The following PEG3 variants were observed in gnomAD, a reference collection of about 807,000 sequenced individuals.
PEG3 encodes the protein paternally expressed 3.
PEG3 carries 23 observed loss-of-function variants against 35.5 expected under a neutral mutation model. The ratio of observed to expected loss-of-function variants is 0.65; its 90% CI spans 0.47 to 0.92. PEG3 has a LOEUF of 0.92. Ranked by LOEUF, PEG3 falls within the 40% of genes least tolerant of loss-of-function variation. PEG3 has a pLI of 0.00. For missense variants in PEG3, 1,960 were observed against 1,985.3 expected, an observed-to-expected ratio of 0.99 and a Z score of 0.24; for synonymous variants, 707 against 697.0, an observed-to-expected ratio of 1.01 and a Z score of -0.23.
intron 7 of PEG3, among the ~76,000 whole-genome samples, chr19:56,819,269 G>C (rs1447599459): frequency 2.0e-5 from 3 of 152,212 alleles, no homozygotes; most frequent in Admixed American, 2.0e-4. Flanking sequence ...CCATGGCATA[G>C]CATGGCTACA....
At chr19:56,839,387 C>T (rs1318903945) in intron 1 of PEG3, among the ~76,000 whole-genome samples, 5 of 151,504 alleles carry the variant, frequency 3.3e-5, no homozygotes, top group Non-Finnish European at 7.4e-5. Context: ...CACAGCAAAC[C>T]TCAGCAGCCC....
rs763981827 is a variant in PEG3 at position 56,813,889 on chromosome 19, G to C, written c.4553C>G (p.Thr1518Arg). ...AGTTTTCAGGTGTTCACTGAATGCT[G>C]TGCTGGAAGTGAAGGTTTCTGTGCA... The part of the protein sequence containing the change: ...HECTETFTSS[T>R]AFSEHLKTHA... The change falls in exon 10 of 10, where the codon ACA (threonine) becomes AGA (arginine). Residue 1518 changes from threonine to arginine, a missense_variant. Physicochemically the swap from Thr to Arg is moderately conservative, Grantham distance 71. Around this residue, in one of 5 missense-constraint regions of PEG3, gnomAD observed 416 missense variants for 416.7 expected, o/e 1.00. Coordinates refer to ENST00000326441, the MANE Select transcript of PEG3 (RefSeq NM_006210.3). 1.2e-6 allele frequency: 2 copies of C among 1,614,072 alleles called. No individual in the cohort carries two copies. Among genetic ancestry groups the C allele is most frequent in the African/African-American group, 1.3e-5 (1 of 74,952 alleles).
At position 56,814,958 on chromosome 19, in the gene PEG3, G is replaced by A. The variant is rs756843191; in HGVS notation, c.3484C>T (p.Leu1162=). The change falls in exon 10 of 10, where the codon CTG becomes TTG. Residue 1162 remains leucine, a synonymous_variant. Transcript: ENST00000326441. This position sits in a 1 kb window ranked among gnomAD's most constrained non-coding sequence, Gnocchi z 5.8. ...TCCCCACACTTTGGACATTCATACA[G>A]CTGCTCTCCAGTGTAATCTCTCTGA... The part of the protein sequence containing the change: ...EYQRDYTGEQ[L]YECPKCGESF... 6 of 1,614,016 alleles carry A rather than the reference G, an allele frequency of 3.7e-6. No homozygotes were observed. Among genetic ancestry groups the A allele is most frequent in the Non-Finnish European group, 5.1e-6 (6 of 1,179,984 alleles).
intron 2 of PEG3, among the ~76,000 whole-genome samples, chr19:56,831,002 C>G (rs1414984075): frequency 6.6e-6 from 1 of 151,932 alleles, no homozygotes; most frequent in Non-Finnish European, 1.5e-5. Context: ...GAAATAAATA[C>G]ATAAAGACAC....
At position 56,824,505 on chromosome 19, in the gene PEG3, T is replaced by C. The variant is rs759567886; in HGVS notation, c.151A>G (p.Asn51Asp). 6.2e-7 allele frequency: 1 copy of C among 1,613,958 alleles called. No individual in the cohort carries two copies. Among genetic ancestry groups the C allele is most frequent in the Non-Finnish European group, 8.5e-7 (1 of 1,180,030 alleles). Residue 51 changes from asparagine to aspartate, a missense_variant, in exon 4 of 10, where the codon AAC becomes GAC. Asn to Asp is a conservative substitution (Grantham distance 23, BLOSUM62 1). Transcript: ENST00000326441. ...DSEFFHQRFR[N>D]LIYVEFVGPR... ...CCAACAAATTCCACATAGATTAGGT[T>C]CCGAAACCTCTGATGAAAAAACTCA...
chr19:56,836,177 C>A (rs2062080407), intron 1 of PEG3, 73 bp from the exon 2 acceptor site: 14 of 414,120 alleles, frequency 3.4e-5, no homozygotes, highest in South Asian at 2.2e-4. Flanking sequence ...GGGAACAATA[C>A]CACAACAGTT....
In PEG3 at chr19:56,821,629, AAG is replaced by A. The variant is rs2060496951; in HGVS notation, c.669+20_669+21del. 6.2e-7 allele frequency: 1 copy of A among 1,611,640 alleles called. No individual in the cohort carries two copies. The highest frequency in any genetic ancestry group is 8.5e-7 in the Non-Finnish European group (1 of 1,179,064). On this transcript the variant is annotated intron_variant, in intron 7 of 9. Transcript: ENST00000326441. Reference sequence around the variant, plus strand: ...ATGAAATGAAGATGGCCTTTCTAGAAAGAGAGGAAACCTGAGCATACCTGAGA... The same window carrying A: ...ATGAAATGAAGATGGCCTTTCTAGAAAGAGGAAACCTGAGCATACCTGAGA...
chr19:56,816,949 C>T lies in PEG3; in HGVS notation c.1493G>A (p.Ser498Asn). The T allele has an allele frequency of 6.2e-7, 1 of 1,614,198 alleles. No individual in the cohort carries two copies. The highest frequency in any genetic ancestry group is 1.6e-4 in the Middle Eastern group (1 of 6,062). ...TTCAAAACGTTTCCCTCCAACCTGA[C>T]TTTTCTGAACTTCACTGACAGCCAC... is the stretch of plus-strand genomic sequence containing the variant. ...HSVAVSEVQK[S>N]QVGGKRFECK... Residue 498 changes from serine (S) to asparagine (N), a missense_variant, in exon 10 of 10, where the codon AGT (serine) becomes AAT (asparagine). Transcript: ENST00000326441.
At chr19:56,821,514 G>T in intron 7 of PEG3, 137 bp downstream of exon 7, 2 of 1,029,538 alleles carry the variant, frequency 1.9e-6, no homozygotes, top group South Asian at 1.6e-5. Context: ...GATGGGCCCG[G>T]GCTCCTCCTG....
chr19:56,834,828 T>G (rs763633791), intron 2 of PEG3, among the ~76,000 whole-genome samples: 15 of 152,244 alleles, frequency 9.9e-5, no homozygotes, highest in Middle Eastern at 3.4e-3. Flanking sequence ...ACTCTTCTTG[T>G]GATGGGAGTT....
chr19:56,839,549 C>T (rs944349527), intron 1 of PEG3, among the ~76,000 whole-genome samples: 5 of 151,704 alleles, frequency 3.3e-5, no homozygotes, highest in Admixed American at 6.6e-5. Context: ...TCAAACATGG[C>T]GTCAAAGCGG....
chr19:56,810,115 A>G lies in PEG3; in HGVS notation c.*3560T>C. 1 of 950,372 alleles carries G rather than the reference A, an allele frequency of 1.1e-6. No homozygotes were observed. 58.9% of individuals were successfully genotyped at this position (950,372 alleles called of 1,614,324 possible). On this transcript the variant is annotated 3_prime_UTR_variant, in exon 10 of 10. Coordinates refer to ENST00000326441, the MANE Select transcript of PEG3 (RefSeq NM_006210.3). ...TAACTTTATTTTTATTGTTGACACT[A>G]TTACAGATAGAATGACCACAACCAT... is the stretch of plus-strand genomic sequence containing the variant.
chr19:56,827,915 G>A (rs773660473), intron 2 of PEG3, among the ~76,000 whole-genome samples: 5 of 152,146 alleles, frequency 3.3e-5, no homozygotes, highest in Admixed American at 2.0e-4. Context: ...ATGACTAATC[G>A]CAATTGCCTC....
chr19:56,821,963 T>C (rs909663681), intron 6 of PEG3, among the ~76,000 whole-genome samples: 4 of 151,972 alleles, frequency 2.6e-5, no homozygotes, highest in African/African-American at 7.2e-5. Context: ...CCAGGGGCCC[T>C]GCCTCATCCT....
In PEG3 at chr19:56,816,616, C is replaced by T. The variant is rs1457835521; in HGVS notation, c.1826G>A (p.Arg609Lys). ...AAACTCATTAAGGGCTGGGCTGGGC[C>T]TAAAGGTTTCCCCGCGCTCACGTTC... ...ERERERGETF[R>K]PSPALNEFQK... The change falls in exon 10 of 10, where the codon AGG becomes AAG. Residue 609 changes from arginine to lysine, a missense_variant. Arg to Lys is a conservative substitution (Grantham distance 26). Transcript: ENST00000326441. 1 of 1,613,838 alleles carries T rather than the reference C, an allele frequency of 6.2e-7. No individual in the cohort carries two copies. Among genetic ancestry groups the T allele is most frequent in the East Asian group, 2.2e-5 (1 of 44,874 alleles).
rs377255843 is a variant in PEG3 at position 56,821,566 on chromosome 19, A to C, written c.669+85T>G. The C allele has an allele frequency of 1.7e-5, 26 of 1,545,912 alleles. No individual in the cohort carries two copies. In the South Asian group the frequency reaches 2.3e-4, roughly 14 times the overall value. ...ACCCCAGCTGGACTCTAGGGGGCAG[A>C]TAAACACACCATCTGGGGAAAGAAA... On this transcript the variant is annotated intron_variant, in intron 7 of 9. Transcript: ENST00000326441.
rs370125347 is a variant in PEG3 at position 56,813,992 on chromosome 19, C to T, written c.4450G>A (p.Gly1484Ser). The change falls in exon 10 of 10, where the codon GGT becomes AGT. Residue 1484 changes from glycine to serine, a missense_variant. Gly to Ser is a moderately conservative substitution (Grantham distance 56). Coordinates refer to ENST00000326441, the MANE Select transcript of PEG3 (RefSeq NM_006210.3). ...EPEGDADEPD[G>S]VGIEDPEEGE... ...TCTTCTGGGTCTTCAATTCCCACAC[C>T]GTCAGGCTCGTCGGCATCTCCCTCT... 290 of 1,614,062 alleles carry T rather than the reference C, an allele frequency of 1.8e-4. 4 individuals are homozygous for T. The South Asian group carries it at 2.9e-3, about 16-fold the overall frequency.
Position 56,817,272 on chromosome 19 carries a change from T to C in PEG3, c.1170A>G (p.Arg390=). 1.9e-6 allele frequency: 3 copies of C among 1,614,204 alleles called. No individual in the cohort carries two copies. Among genetic ancestry groups the C allele is most frequent in the Non-Finnish European group, 2.5e-6 (3 of 1,180,038 alleles). ...TLVSRKRVLE[R]KRRYHFDTDG... ...CTGTGTCAAAATGATAGCGCCTCTTTCTTTCAAGAACTCTCTTTCTGGAAA... is the reference window on the plus strand; with the variant it reads ...CTGTGTCAAAATGATAGCGCCTCTTCCTTTCAAGAACTCTCTTTCTGGAAA... Residue 390 remains arginine (R), a synonymous_variant, in exon 10 of 10, where the codon AGA becomes AGG. Transcript: ENST00000326441.
In PEG3 at chr19:56,815,057, G is replaced by A. The variant is rs779432527; in HGVS notation, c.3385C>T (p.His1129Tyr). The change falls in exon 10 of 10, where the codon CAC (histidine) becomes TAC (tyrosine). Residue 1129 changes from histidine (H) to tyrosine (Y), a missense_variant. Coordinates refer to ENST00000326441, the MANE Select transcript of PEG3 (RefSeq NM_006210.3). Reference sequence around the variant, plus strand: ...CTGTCAACCAGGCACTTCCTGCTGTGGACTTTCTGATGGTCTGTGAGGTCT... The same window carrying A: ...CTGTCAACCAGGCACTTCCTGCTGTAGACTTTCTGATGGTCTGTGAGGTCT... ...LTDLTDHQKV[H>Y]SRKCLVDSRE... 1.2e-6 allele frequency: 2 copies of A among 1,613,994 alleles called. No homozygotes were observed. The highest frequency in any genetic ancestry group is 2.7e-5 in the African/African-American group (2 of 74,934).
Sources: gnomAD v4.1 joint callset for allele counts (sites outside exome capture counted in the v4.1 genomes callset) on GRCh38, gnomAD v4.1.1 for gene constraint, gnomAD v4.1.1 regional missense constraint, Gnocchi (gnomAD v3.1) non-coding constraint, MANE v1.5 for transcripts, NCBI Gene and HGNC (gene_info 2026-07-23, HGNC 2026-07-21) for gene names.